Variants in MAP2K6 observed in about 807,000 individuals in gnomAD.
The protein encoded by MAP2K6 is dual specificity mitogen-activated protein kinase kinase 6.
A neutral mutation model predicts 53.7 loss-of-function variants in MAP2K6; 16 were observed. The ratio of observed to expected loss-of-function variants is 0.30; its 90% CI spans 0.20 to 0.45. MAP2K6 has a LOEUF of 0.45. Among genes scored for constraint, MAP2K6 ranks in the 20% least tolerant of loss-of-function variants. The pLI is 1.00. For missense variants in MAP2K6, 204 were observed against 411.9 expected (o/e 0.50, Z 4.37); for synonymous variants, 132 against 143.1 (o/e 0.92, Z 0.55).
At chr17:69,515,787 C>G (rs2716209) in intron 2 of MAP2K6, among the ~76,000 whole-genome samples, 80,000 of 152,062 alleles carry the variant, frequency 0.53, 22,274 homozygotes, top group African/African-American at 0.72. Flanking sequence ...GGGCTGGGAG[C>G]AGTCACTTTA....
intron 1 of MAP2K6, among the ~76,000 whole-genome samples, chr17:69,463,320 CTA>C (rs561396607): frequency 1.1e-3 from 156 of 148,106 alleles, no homozygotes; most frequent in African/African-American, 3.8e-3. Context: ...ATATATATCA[CTA>C]TATAATAGTG....
chr17:69,418,844 T>C (rs781490107), intron 1 of MAP2K6, among the ~76,000 whole-genome samples: 1 of 151,054 alleles, frequency 6.6e-6, no homozygotes, highest in Non-Finnish European at 1.5e-5. Flanking sequence ...CCATTCTCTT[T>C]TCTTCCTTCT....
chr17:69,466,902 T>C (rs1907833054), intron 1 of MAP2K6, among the ~76,000 whole-genome samples: 1 of 152,182 alleles, frequency 6.6e-6, no homozygotes, highest in African/African-American at 2.4e-5. Flanking sequence ...ATTGTGTATC[T>C]GGGAAATATA....
chr17:69,431,768 C>T (rs893634869), intron 1 of MAP2K6, among the ~76,000 whole-genome samples: 4 of 152,176 alleles, frequency 2.6e-5, no homozygotes, highest in Non-Finnish European at 4.4e-5. Context: ...TTTTTGCTCA[C>T]TCATCAATCA....
chr17:69,494,235 C>T lies in MAP2K6; in HGVS notation c.17-11545C>T, dbSNP rs146266302. 3.3e-5 allele frequency among the ~76,000 whole-genome samples: 5 copies of T among 152,302 alleles called. No homozygotes were observed. The highest frequency in any genetic ancestry group is 1.9e-4 in the East Asian group (1 of 5,168). The stretch of plus-strand genomic sequence containing the variant: ...GAGGGAGGTCAGGTGCAGTGGCTCA[C>T]GCCTGTAATCCCAGCATGTTGGGAG... On this transcript the variant is annotated intron_variant, in intron 1 of 11. Coordinates refer to ENST00000590474, the MANE Select transcript of MAP2K6 (RefSeq NM_002758.4). The surrounding 1 kb of genome is among the most constrained non-coding windows in gnomAD (Gnocchi z 4.2).
At chr17:69,472,783 C>G (rs1297900033) in intron 1 of MAP2K6, among the ~76,000 whole-genome samples, 2 of 152,204 alleles carry the variant, frequency 1.3e-5, no homozygotes. Flanking sequence ...CCTGCAGCCT[C>G]TACTCCCTGG....
intron 1 of MAP2K6, among the ~76,000 whole-genome samples, chr17:69,483,571 C>CT (rs1908422415): frequency 6.6e-6 from 1 of 151,998 alleles, no homozygotes; most frequent in East Asian, 1.9e-4. Flanking sequence ...AGAATTTCAG[C>CT]TGACTTCTTT....
intron 1 of MAP2K6, among the ~76,000 whole-genome samples, chr17:69,450,872 A>G (rs1361854591): frequency 6.6e-6 from 1 of 152,204 alleles, no homozygotes; most frequent in Non-Finnish European, 1.5e-5. Flanking sequence ...GATAGAAAGT[A>G]TTTATGACAC....
chr17:69,548,054 G>A lies in MAP2K6; in HGVS notation c.*6301G>A, dbSNP rs1911944912. On this transcript the variant is annotated 3_prime_UTR_variant, in exon 12 of 12. Transcript: ENST00000590474. ...AATTATTTGTTCACATTTTAAGGAA[G>A]TAGGAAAGAGTAGTTTGAAGTCACA... 2.0e-5 allele frequency: 3 copies of A among 152,194 alleles called. No individual in the cohort carries two copies. The South Asian group carries it at 6.2e-4, about 31-fold the overall frequency. The allele number at this position is 152,194 out of a possible 1,614,324, so 9.4% of individuals were successfully genotyped here. A position where few individuals can be genotyped will look rare whatever the true frequency, so the allele number is the denominator to read the frequency against.
At chr17:69,515,359 G>A (rs1007793704) in intron 2 of MAP2K6, among the ~76,000 whole-genome samples, 1 of 151,978 alleles carries the variant, frequency 6.6e-6, no homozygotes, top group African/African-American at 2.4e-5. Context: ...GTTTCACCAC[G>A]TTGGCCAGGC....
At chr17:69,491,730 G>GTTGTTATTATTATTATTATTATTA (rs1555606494) in intron 1 of MAP2K6, among the ~76,000 whole-genome samples, 2 of 143,384 alleles carry the variant, frequency 1.4e-5, no homozygotes, top group African/African-American at 5.4e-5. Context: ...GCTGGCATCT[G>GTTGTTATTATTATTATTATTATTA]TTATTATTAT....
At chr17:69,427,373 T>C (rs1420503311) in intron 1 of MAP2K6, among the ~76,000 whole-genome samples, 1 of 152,022 alleles carries the variant, frequency 6.6e-6, no homozygotes, top group Non-Finnish European at 1.5e-5. Flanking sequence ...TTTTCTATTT[T>C]TAATTTCAGA....
intron 1 of MAP2K6, among the ~76,000 whole-genome samples, chr17:69,504,024 T>G (rs1172127534): frequency 1.3e-5 from 2 of 152,162 alleles, no homozygotes; most frequent in Non-Finnish European, 2.9e-5. Context: ...TATTGCAGGA[T>G]AGTAGAAAGA....
At position 69,517,656 on chromosome 17, in the gene MAP2K6, T is replaced by C. The variant is rs368905122; in HGVS notation, c.246+43T>C. The C allele has an allele frequency of 1.4e-4, 188 of 1,390,110 alleles. 1 individual carries two copies. In the Admixed American group the frequency reaches 2.1e-3, roughly 15 times the overall value. The allele number at this position is 1,390,110 out of a possible 1,614,324, so 86.1% of individuals were successfully genotyped here. ...CCAAATGTTTTATATCTGCTGTGTA[T>C]ACATTTGTCCACCTCAATTGTCAAC... is the stretch of plus-strand genomic sequence containing the variant. On this transcript the variant is annotated intron_variant, in intron 4 of 11. Coordinates refer to ENST00000590474, the MANE Select transcript of MAP2K6 (RefSeq NM_002758.4).
At chr17:69,487,646 A>G (rs975018937) in intron 1 of MAP2K6, among the ~76,000 whole-genome samples, 8 of 152,188 alleles carry the variant, frequency 5.3e-5, no homozygotes, top group Admixed American at 1.3e-4. Context: ...CCAAGTTTTC[A>G]CTGCTAATGA....
At position 69,536,846 on chromosome 17, in the gene MAP2K6, C is replaced by T. The variant is rs1044069258; in HGVS notation, c.927+686C>T. Among the ~76,000 whole-genome samples, 8 of 151,460 alleles carry T rather than the reference C, an allele frequency of 5.3e-5. No individual in the cohort carries two copies. The South Asian group carries it at 1.3e-3, about 24-fold the overall frequency. ...CTGTAATCCCAGCACTCTGGTAGGC[C>T]GAGTTGGGCAGATTGCTTGAGCCCA... is the stretch of plus-strand genomic sequence containing the variant. On this transcript the variant is annotated intron_variant, in intron 11 of 11. Transcript: ENST00000590474.
chr17:69,456,665 T>C (rs1289189751), intron 1 of MAP2K6, among the ~76,000 whole-genome samples: 1 of 152,142 alleles, frequency 6.6e-6, no homozygotes. Flanking sequence ...TCCCCACTGG[T>C]CTGTCACCAC....
At chr17:69,450,866 G>C (rs1455829460) in intron 1 of MAP2K6, among the ~76,000 whole-genome samples, 2 of 152,156 alleles carry the variant, frequency 1.3e-5, no homozygotes, top group Non-Finnish European at 2.9e-5. Context: ...CACTATGATA[G>C]AAAGTATTTA....
At chr17:69,440,056 C>CT (rs570107345) in intron 1 of MAP2K6, among the ~76,000 whole-genome samples, 90 of 151,450 alleles carry the variant, frequency 5.9e-4, no homozygotes, top group Admixed American at 2.0e-3. Flanking sequence ...TCTGTACTTT[C>CT]TTTTTTTTTG....
Sources: gnomAD v4.1 joint callset for allele counts (sites outside exome capture counted in the v4.1 genomes callset) on GRCh38, gnomAD v4.1.1 for gene constraint, Gnocchi (gnomAD v3.1) non-coding constraint, MANE v1.5 for transcripts, NCBI Gene and HGNC (gene_info 2026-07-23, HGNC 2026-07-21) for gene names.